TAF5L: variants seen among roughly 807,000 people sequenced by gnomAD.
The protein encoded by TAF5L is TATA-box binding protein associated factor 5 like, also known as TAF5-like RNA polymerase II p300/CBP-associated factor-associated factor 65 kDa subunit 5L.
Under a neutral mutation model 51.3 loss-of-function variants are expected in TAF5L, and 7 were observed. That is an observed-to-expected ratio of 0.14 (90% CI 0.08 to 0.26). The LOEUF is 0.26. Ranked by LOEUF, TAF5L falls within the 10% of genes least tolerant of loss-of-function variation. TAF5L has a pLI of 1.00. For missense variants in TAF5L, 575 were observed against 758.9 expected (o/e 0.76, Z 2.85); for synonymous variants, 291 against 308.1 (o/e 0.94, Z 0.58).
chr1:229,595,305 T>C (rs1664080447), intron 4 of TAF5L, among the ~76,000 whole-genome samples: 1 of 152,200 alleles, frequency 6.6e-6, no homozygotes, highest in Admixed American at 6.5e-5. Flanking sequence ...GACTTACAAA[T>C]TGCTCCCCTT....
intron 1 of TAF5L, among the ~76,000 whole-genome samples, chr1:229,616,850 T>G (rs1665021297): frequency 6.6e-6 from 1 of 152,226 alleles, no homozygotes; most frequent in African/African-American, 2.4e-5. Context: ...TTACATTATC[T>G]GTGCATTTTA....
At chr1:229,618,129 G>A (rs4925458) in intron 1 of TAF5L, among the ~76,000 whole-genome samples, 20,572 of 152,052 alleles carry the variant, frequency 0.14, 2,125 homozygotes, top group East Asian at 0.42. Flanking sequence ...AAAGGGACAA[G>A]TGAAGAAAAA....
At chr1:229,615,803 C>T (rs148496029) in intron 1 of TAF5L, among the ~76,000 whole-genome samples, 1 of 152,260 alleles carries the variant, frequency 6.6e-6, no homozygotes, top group East Asian at 1.9e-4. Flanking sequence ...ACTTTCCCCT[C>T]CAGGACCAAA....
intron 3 of TAF5L, among the ~76,000 whole-genome samples, chr1:229,609,134 C>T (rs571232516): frequency 5.3e-5 from 8 of 152,254 alleles, no homozygotes; most frequent in South Asian, 2.1e-4. Flanking sequence ...ATATGGTCCC[C>T]GCCCTCATGG....
At chr1:229,611,397 T>C (rs909589280) in intron 2 of TAF5L, among the ~76,000 whole-genome samples, 1 of 152,002 alleles carries the variant, frequency 6.6e-6, no homozygotes, top group African/African-American at 2.4e-5. Context: ...GAATGAAACA[T>C]GAATGCATTT....
chr1:229,612,048 C>T (rs1253810095), intron 2 of TAF5L, among the ~76,000 whole-genome samples: 2 of 152,226 alleles, frequency 1.3e-5, no homozygotes, highest in Non-Finnish European at 2.9e-5. Context: ...CCTCACTTCC[C>T]AATTAGAACA....
At chr1:229,606,047 G>T in intron 3 of TAF5L, 1 of 652,858 alleles carries the variant, frequency 1.5e-6, no homozygotes, top group Non-Finnish European at 1.9e-6. Flanking sequence ...AAAATGAGAG[G>T]CATTTCAATT....
intron 3 of TAF5L, chr1:229,606,544 C>T: frequency 1.0e-5 from 10 of 985,418 alleles, no homozygotes; most frequent in Non-Finnish European, 1.2e-5. Context: ...TTCTCCTCTA[C>T]CTTTCTTCAA....
rs754798029 is a variant in TAF5L, at chr1:229,602,896, C to T, written c.271G>A (p.Glu91Lys). 9 of 1,599,264 alleles carry T rather than the reference C, an allele frequency of 5.6e-6. No homozygotes were observed. Among genetic ancestry groups the T allele is most frequent in the East Asian group, 2.2e-5 (1 of 44,854 alleles). Residue 91 changes from glutamate (E) to lysine (K), a missense_variant, in exon 4 of 5, where the codon GAA becomes AAA. Coordinates refer to ENST00000258281, the Ensembl canonical transcript of TAF5L. The surrounding 1 kb of genome is among the most constrained non-coding windows in gnomAD (Gnocchi z 4.6). ...AGAGGATAGAGGAGAGGCATCACTT[C>T]GTGGCTATGCTGGGAATCAGAATCT...
chr1:229,606,027 C>A (rs1664585295), intron 3 of TAF5L: 1 of 566,764 alleles, frequency 1.8e-6, no homozygotes, highest in African/African-American at 2.0e-5. Flanking sequence ...AAATTTCAGG[C>A]TCCTTTTCTA....
intron 2 of TAF5L, among the ~76,000 whole-genome samples, chr1:229,612,685 G>C (rs915459855): frequency 1.3e-5 from 2 of 152,174 alleles, no homozygotes; most frequent in Non-Finnish European, 2.9e-5. Context: ...TCCTCAGGTT[G>C]TTACTGTCCT....
chr1:229,604,085 T>A (rs1664491703), intron 3 of TAF5L, among the ~76,000 whole-genome samples: 2 of 152,126 alleles, frequency 1.3e-5, no homozygotes, highest in African/African-American at 4.8e-5. Context: ...ATAATAAGCA[T>A]AAAGGTTTTA....
Position 229,602,088 on chromosome 1 carries a change from T to C in TAF5L, c.972+107A>G, listed in dbSNP as rs142411248. 7.5e-4 allele frequency: 1,148 copies of C among 1,521,984 alleles called. 8 individuals carry two copies. The African/African-American group carries it at 0.014, about 18-fold the overall frequency. 94.3% of individuals were successfully genotyped at this position (1,521,984 alleles called of 1,614,324 possible). A position where few individuals can be genotyped will look rare whatever the true frequency, so the allele number is the denominator to read the frequency against. ...TGTCATTAGTCTGGCTTTAGCTATA[T>C]GATGAGGGAAACTAGGAAGTCCATT... On this transcript the variant is annotated intron_variant, in intron 4 of 4. Transcript: ENST00000258281. This position sits in a 1 kb window ranked among gnomAD's most constrained non-coding sequence, Gnocchi z 4.6.
At chr1:229,600,724 C>T (rs1664342327) in intron 4 of TAF5L, 2 of 985,358 alleles carry the variant, frequency 2.0e-6, no homozygotes, top group South Asian at 4.7e-5. Context: ...TCTTCAGATA[C>T]ACTTCTGATA....
intron 1 of TAF5L, among the ~76,000 whole-genome samples, chr1:229,618,257 G>A (rs1204051966): frequency 5.3e-5 from 8 of 152,066 alleles, no homozygotes; most frequent in African/African-American, 1.9e-4. Flanking sequence ...ACTGAAATTG[G>A]ATTTAAATAT....
At chr1:229,621,695 AGAG>A (rs1665206727) in intron 1 of TAF5L, among the ~76,000 whole-genome samples, 1 of 152,228 alleles carries the variant, frequency 6.6e-6, no homozygotes, top group Non-Finnish European at 1.5e-5. Flanking sequence ...ATTTAAAAAA[AGAG>A]AAACTCTGAG....
At chr1:229,614,254 T>G in intron 2 of TAF5L, 87 bp downstream of exon 2, 55 of 1,610,840 alleles carry the variant, frequency 3.4e-5, no homozygotes, top group Non-Finnish European at 4.2e-5. Flanking sequence ...GGCACTGTCT[T>G]GAGAAGAGGA....
At chr1:229,617,171 T>C (rs1344086052) in intron 1 of TAF5L, among the ~76,000 whole-genome samples, 1 of 152,216 alleles carries the variant, frequency 6.6e-6, no homozygotes, top group African/African-American at 2.4e-5. Flanking sequence ...TGATCAGCAC[T>C]GCTCTATCAG....
rs530380349 is a variant in TAF5L at position 229,599,289 on chromosome 1, A to C, written c.972+2906T>G. 2.7e-5 allele frequency: 19 copies of C among 701,596 alleles called. No individual in the cohort carries two copies. The East Asian group carries it at 2.4e-3, about 89-fold the overall frequency. 43.5% of individuals were successfully genotyped at this position (701,596 alleles called of 1,614,324 possible). ...ACTGTTATCCTGTTTTTTTTTTTAA[A>C]CTGAGATATAATTACATACTATATA... On this transcript the variant is annotated intron_variant, in intron 4 of 4. Coordinates refer to ENST00000258281, the Ensembl canonical transcript of TAF5L.
Sources: gnomAD v4.1 joint callset for allele counts (sites outside exome capture counted in the v4.1 genomes callset) on GRCh38, gnomAD v4.1.1 for gene constraint, Gnocchi (gnomAD v3.1) non-coding constraint, MANE v1.5 for transcripts, NCBI Gene and HGNC (gene_info 2026-07-23, HGNC 2026-07-21) for gene names.